The following LGALS8 variants were observed in gnomAD, a reference collection of about 807,000 sequenced individuals.
The protein encoded by LGALS8 is galectin-8.
Under a neutral mutation model 35.9 loss-of-function variants are expected in LGALS8, and 30 were observed. That is an observed-to-expected ratio of 0.83 (90% confidence interval 0.62 to 1.13). The LOEUF (loss-of-function observed/expected upper bound fraction) is 1.13, where lower values mean the gene tolerates loss of function less well. LGALS8 is among the 50% of genes most tolerant of loss of function. LGALS8 has a pLI of 0.00. For synonymous variants in LGALS8, 138 were observed against 136.1 expected, an observed-to-expected ratio of 1.01 and a Z score of -0.10; for missense variants, 366 against 388.7, an observed-to-expected ratio of 0.94 and a Z score of 0.49.
At chr1:236,521,243 G>C (rs1412162733), upstream of LGALS8, among the ~76,000 whole-genome samples, 1 of 152,198 alleles carries the variant, frequency 6.6e-6, no homozygotes, top group Non-Finnish European at 1.5e-5. Flanking sequence ...TAGGGAGTGT[G>C]TATGAGTGTG....
chr1:236,537,733 T>C (rs1442149321), intron 3 of LGALS8, 148 bp downstream of exon 3: 33 of 671,010 alleles, frequency 4.9e-5, no homozygotes, highest in South Asian at 2.8e-4. Flanking sequence ...GCTGAGGAGA[T>C]TGGAATGAAT....
chr1:236,541,780 G>A, intron 6 of LGALS8, 70 bp downstream of exon 6: 1 of 772,934 alleles, frequency 1.3e-6, no homozygotes, highest in East Asian at 3.0e-5. Context: ...TAATGAAATG[G>A]CAAGAAGGCT....
chr1:236,528,149 G>A (rs370434990), intron 2 of LGALS8, among the ~76,000 whole-genome samples: 4 of 152,118 alleles, frequency 2.6e-5, no homozygotes, highest in African/African-American at 4.8e-5. Context: ...TTGGGAGGCC[G>A]AGGCAGGTGG....
At position 236,552,339 on chromosome 1, in the gene LGALS8, C is replaced by T. The variant is rs1233898375; in HGVS notation, c.*4178C>T. The stretch of plus-strand genomic sequence containing the variant: ...GTGTTTTCCAAACTGTGTCCCAGGA[C>T]TGCAAATCTTTAATGTGAAATGTCT... On this transcript the variant is annotated 3_prime_UTR_variant, in exon 10 of 10. Coordinates refer to ENST00000366584, the MANE Select transcript of LGALS8 (RefSeq NM_201544.4). 2 of 317,000 alleles carry T rather than the reference C, an allele frequency of 6.3e-6. No individual in the cohort carries two copies. The highest frequency in any genetic ancestry group is 1.1e-5 in the Non-Finnish European group (2 of 175,000). The allele number at this position is 317,000 out of a possible 1,614,324, so 19.6% of individuals were successfully genotyped here.
chr1:236,550,975 A>G lies in LGALS8; in HGVS notation c.*2814A>G. 6.7e-7 allele frequency: 1 copy of G among 1,494,862 alleles called. No homozygotes were observed. The highest frequency in any genetic ancestry group is 1.4e-5 in the African/African-American group (1 of 70,482). The allele number at this position is 1,494,862 out of a possible 1,614,324, so 92.6% of individuals were successfully genotyped here. A position where few individuals can be genotyped will look rare whatever the true frequency, so the allele number is the denominator to read the frequency against. The stretch of plus-strand genomic sequence containing the variant: ...AATAGTCTTTTGGCACTGATGTTCT[A>G]CTTCTTCACATTCATCTAAAAAAAA... On this transcript the variant is annotated 3_prime_UTR_variant, in exon 10 of 10. Coordinates refer to ENST00000366584, the MANE Select transcript of LGALS8 (RefSeq NM_201544.4).
At chr1:236,529,150 G>C (rs998304650) in intron 2 of LGALS8, among the ~76,000 whole-genome samples, 10 of 152,134 alleles carry the variant, frequency 6.6e-5, no homozygotes, top group African/African-American at 2.4e-4. Context: ...TGTGGCGCAT[G>C]TCTGTAGTCC....
chr1:236,532,117 G>A (rs2103076924), intron 2 of LGALS8, among the ~76,000 whole-genome samples: 1 of 152,288 alleles, frequency 6.6e-6, no homozygotes. Flanking sequence ...TGGTCCCCCA[G>A]AAGGAAAGCA....
chr1:236,541,554 T>G, intron 5 of LGALS8, 100 bp from the exon 6 acceptor site: 1 of 637,898 alleles, frequency 1.6e-6, no homozygotes. Context: ...TTCAAGCATA[T>G]TTTTAGTACC....
intron 7 of LGALS8, 175 bp downstream of exon 7, chr1:236,542,962 C>G (rs1271302921): frequency 1.2e-6 from 2 of 1,614,120 alleles, no homozygotes; most frequent in South Asian, 2.2e-5. Flanking sequence ...CCAGAACTGT[C>G]TACACCAAGA....
Position 236,551,933 on chromosome 1 carries a change from AT to A in LGALS8, c.*3776del. 1.8e-6 allele frequency: 2 copies of A among 1,100,142 alleles called. No individual in the cohort carries two copies. Among genetic ancestry groups the A allele is most frequent in the South Asian group, 1.3e-5 (1 of 77,080 alleles). The allele number at this position is 1,100,142 out of a possible 1,614,324, so 68.1% of individuals were successfully genotyped here. A position where few individuals can be genotyped will look rare whatever the true frequency, so the allele number is the denominator to read the frequency against. On this transcript the variant is annotated 3_prime_UTR_variant, in exon 10 of 10. Transcript: ENST00000366584. ...CCAAATCTGCATTATCATTGGGCAC[AT>A]TTTCACAGAATTTTACTGAATTATT...
intron 1 of LGALS8, chr1:236,524,620 C>T: frequency 2.8e-6 from 1 of 358,064 alleles, no homozygotes; most frequent in South Asian, 2.0e-5. Flanking sequence ...GTGATGGCTG[C>T]TTGTGATGCA....
rs1448752549 is a variant in LGALS8 at position 236,531,928 on chromosome 1, T to C, written c.46-5569T>C. The stretch of plus-strand genomic sequence containing the variant: ...GGGGTGAATTCCAGGGGAAATCCAG[T>C]GCAAGTTCCAAGGTCGCCTCCCAGT... On this transcript the variant is annotated intron_variant, in intron 2 of 9. Coordinates refer to ENST00000366584, the MANE Select transcript of LGALS8 (RefSeq NM_201544.4). 2.6e-5 allele frequency among the ~76,000 whole-genome samples: 4 copies of C among 152,282 alleles called. No homozygotes were observed. In the East Asian group the frequency reaches 7.7e-4, roughly 29 times the overall value.
intron 8 of LGALS8, among the ~76,000 whole-genome samples, chr1:236,543,946 TTTTC>T: frequency 1.1e-5 from 1 of 91,918 alleles, no homozygotes; most frequent in East Asian, 2.6e-4. Flanking sequence ...AGGCAACATC[TTTTC>T]TTTTTTTTTT....
chr1:236,525,323 T>C (rs1444866396), intron 1 of LGALS8: 1 of 152,218 alleles, frequency 6.6e-6, no homozygotes, highest in Admixed American at 6.5e-5. Flanking sequence ...GTAATTCTCA[T>C]TTTATGGAAA....
In LGALS8 at chr1:236,551,954, A is replaced by T; in HGVS notation, c.*3793A>T. ...GCACATTTTCACAGAATTTTACTGA[A>T]TTATTCCTTAATTGTTTAATGGTTG... On this transcript the variant is annotated 3_prime_UTR_variant, in exon 10 of 10. Coordinates refer to ENST00000366584, the MANE Select transcript of LGALS8 (RefSeq NM_201544.4). 7.8e-7 allele frequency: 1 copy of T among 1,280,208 alleles called. No individual in the cohort carries two copies. Among genetic ancestry groups the T allele is most frequent in the Non-Finnish European group, 1.1e-6 (1 of 880,520 alleles). The allele number at this position is 1,280,208 out of a possible 1,614,324, so 79.3% of individuals were successfully genotyped here. A position where few individuals can be genotyped will look rare whatever the true frequency, so the allele number is the denominator to read the frequency against.
rs941044841 is a variant in LGALS8, at chr1:236,548,713, C to T, written c.*552C>T. On this transcript the variant is annotated 3_prime_UTR_variant, in exon 10 of 10. Coordinates refer to ENST00000366584, the MANE Select transcript of LGALS8 (RefSeq NM_201544.4). ...AAGACACAACTCCTTCCCCAGTGAT[C>T]ACTGTCATAACCAGTGCTCTACCGT... The T allele has an allele frequency of 1.8e-5, 7 of 386,972 alleles. No homozygotes were observed. Among genetic ancestry groups the T allele is most frequent in the African/African-American group, 1.4e-4 (7 of 48,410 alleles). The allele number at this position is 386,972 out of a possible 1,614,324, so 24.0% of individuals were successfully genotyped here. A position where few individuals can be genotyped will look rare whatever the true frequency, so the allele number is the denominator to read the frequency against.
chr1:236,552,220 G>T lies in LGALS8; in HGVS notation c.*4059G>T. ...ACTTTTTAAACATTAGTTCACATGC[G>T]TTTATTCACTTCATTATGTTCATTA... On this transcript the variant is annotated 3_prime_UTR_variant, in exon 10 of 10. Coordinates refer to ENST00000366584, the MANE Select transcript of LGALS8 (RefSeq NM_201544.4). 2 of 630,814 alleles carry T rather than the reference G, an allele frequency of 3.2e-6. No individual in the cohort carries two copies. Among genetic ancestry groups the T allele is most frequent in the Non-Finnish European group, 5.6e-6 (2 of 360,274 alleles). 39.1% of individuals were successfully genotyped at this position (630,814 alleles called of 1,614,324 possible). A position where few individuals can be genotyped will look rare whatever the true frequency, so the allele number is the denominator to read the frequency against.
Position 236,551,291 on chromosome 1 carries a change from C to G in LGALS8, c.*3130C>G. ...CCTCCCCCCTCCAAGAGCTAAGAAA[C>G]AAAGGAGAATGTACTTTTGTAGCTT... On this transcript the variant is annotated 3_prime_UTR_variant, in exon 10 of 10. Coordinates refer to ENST00000366584, the MANE Select transcript of LGALS8 (RefSeq NM_201544.4). 1 of 354,458 alleles carries G rather than the reference C, an allele frequency of 2.8e-6. No individual in the cohort carries two copies. Among genetic ancestry groups the G allele is most frequent in the Non-Finnish European group, 5.1e-6 (1 of 195,216 alleles). 22.0% of individuals were successfully genotyped at this position (354,458 alleles called of 1,614,324 possible).
intron 4 of LGALS8, 36 bp from the exon 5 acceptor site, chr1:236,540,525 TTGG>T: frequency 6.9e-7 from 1 of 1,441,474 alleles, no homozygotes; most frequent in South Asian, 1.3e-5. Context: ...CTGTTTTTTT[TTGG>T]TGGCGGGGGG....
Sources: gnomAD v4.1 joint callset for allele counts (sites outside exome capture counted in the v4.1 genomes callset) on GRCh38, gnomAD v4.1.1 for gene constraint, MANE v1.5 for transcripts, NCBI Gene and HGNC (gene_info 2026-07-23, HGNC 2026-07-21) for gene names.